Variants in PITX3 observed in about 807,000 individuals in gnomAD.
PITX3 encodes the protein paired like homeodomain 3.
PITX3 carries 4 observed loss-of-function variants against 14.2 expected under a neutral mutation model. That is an observed-to-expected ratio of 0.28 (90% confidence interval 0.14 to 0.65). The LOEUF is 0.65. Ranked by LOEUF, PITX3 falls within the 30% of genes least tolerant of loss-of-function variation. The pLI, the probability that PITX3 is intolerant of heterozygous loss-of-function variation, is 0.82. For synonymous variants in PITX3, 194 were observed against 204.5 expected (o/e 0.95, Z 0.44); for missense variants, 358 against 426.8 (o/e 0.84, Z 1.42).
At chr10:102,233,303 TC>T (rs2070303113) in intron 1 of PITX3, among the ~76,000 whole-genome samples, 1 of 91,178 alleles carries the variant, frequency 1.1e-5, no homozygotes. Flanking sequence ...TTTTTTTCCT[TC>T]TTTTTTTTTT....
chr10:102,234,127 C>T (rs1444509198), intron 1 of PITX3, among the ~76,000 whole-genome samples: 2 of 152,162 alleles, frequency 1.3e-5, no homozygotes, highest in Non-Finnish European at 2.9e-5. Flanking sequence ...GGTGGATTAG[C>T]CTAGATTGAG....
chr10:102,237,112 G>A (rs892306180), intron 1 of PITX3, among the ~76,000 whole-genome samples: 1 of 152,164 alleles, frequency 6.6e-6, no homozygotes, highest in Middle Eastern at 3.2e-3. Flanking sequence ...AGTATTAGGT[G>A]TTAAGAGGGA....
At chr10:102,237,277 T>C (rs1434023883) in intron 1 of PITX3, among the ~76,000 whole-genome samples, 2 of 152,014 alleles carry the variant, frequency 1.3e-5, no homozygotes, top group African/African-American at 4.8e-5. Flanking sequence ...GTACCGAGTG[T>C]TGGGAGCTCA....
At chr10:102,236,001 G>A (rs2070383582) in intron 1 of PITX3, among the ~76,000 whole-genome samples, 1 of 152,216 alleles carries the variant, frequency 6.6e-6, no homozygotes, top group African/African-American at 2.4e-5. Context: ...AGAGAGAGGA[G>A]CCACAGCTGA....
In PITX3 at chr10:102,230,903, A is replaced by C; in HGVS notation, c.520T>G (p.Phe174Val). The change falls in exon 4 of 4, where the codon TTC (phenylalanine) becomes GTC (valine). Residue 174 changes from phenylalanine (F) to valine (V), a missense_variant. Physicochemically the swap from Phe to Val is conservative, Grantham distance 50. This residue lies in a region of PITX3 where 236 missense variants were observed against 250.2 expected (regional missense o/e 0.94). Transcript: ENST00000370002. Reference protein sequence around the residue: ...PLAAKTFPFAFNSVNVGPLAS... With the variant: ...PLAAKTFPFAVNSVNVGPLAS... ...AGAGGCCCCACGTTGACCGAGTTGAAGGCGAATGGAAAGGTCTTGGCGGCG... is the reference window on the plus strand; with the variant it reads ...AGAGGCCCCACGTTGACCGAGTTGACGGCGAATGGAAAGGTCTTGGCGGCG... 1.2e-6 allele frequency: 2 copies of C among 1,611,688 alleles called. No homozygotes were observed. The highest frequency in any genetic ancestry group is 1.7e-6 in the Non-Finnish European group (2 of 1,179,304).
At chr10:102,240,748 C>T (rs1474461629) in intron 1 of PITX3, among the ~76,000 whole-genome samples, 1 of 152,268 alleles carries the variant, frequency 6.6e-6, no homozygotes, top group Non-Finnish European at 1.5e-5. Context: ...ACTATACCCG[C>T]CGCCTGGTCA....
At chr10:102,233,960 C>T (rs2070321207) in intron 1 of PITX3, among the ~76,000 whole-genome samples, 1 of 152,162 alleles carries the variant, frequency 6.6e-6, no homozygotes, top group Non-Finnish European at 1.5e-5. Flanking sequence ...AATACTGGGG[C>T]TCAAGACTCT....
At chr10:102,238,034 G>C (rs1300012256) in intron 1 of PITX3, among the ~76,000 whole-genome samples, 1 of 152,158 alleles carries the variant, frequency 6.6e-6, no homozygotes, top group Non-Finnish European at 1.5e-5. Context: ...TAGGAAAGGA[G>C]AAACTATTAA....
chr10:102,239,392 C>T (rs1285617951), intron 1 of PITX3, among the ~76,000 whole-genome samples: 1 of 152,208 alleles, frequency 6.6e-6, no homozygotes, highest in African/African-American at 2.4e-5. Context: ...CCTTTCCTGA[C>T]ACAGAGTCCT....
chr10:102,230,272 T>C lies in PITX3; in HGVS notation c.*242A>G. The C allele has an allele frequency of 2.0e-6, 1 of 501,250 alleles. No individual in the cohort carries two copies. The highest frequency in any genetic ancestry group is 3.5e-6 in the Non-Finnish European group (1 of 286,978). The allele number at this position is 501,250 out of a possible 1,614,324, so 31.1% of individuals were successfully genotyped here. On this transcript the variant is annotated 3_prime_UTR_variant, in exon 4 of 4. Coordinates refer to ENST00000370002, the MANE Select transcript of PITX3 (RefSeq NM_005029.4). ...GAAGGCGGGATGGGCCAAGGGTGAGTTGGCCCCCGGGGAGCTGGTCCCTGT... is the reference window on the plus strand; with the variant it reads ...GAAGGCGGGATGGGCCAAGGGTGAGCTGGCCCCCGGGGAGCTGGTCCCTGT...
At chr10:102,238,110 A>T (rs577010392) in intron 1 of PITX3, among the ~76,000 whole-genome samples, 2 of 152,064 alleles carry the variant, frequency 1.3e-5, no homozygotes, top group Non-Finnish European at 2.9e-5. Flanking sequence ...TTTGAAAGTT[A>T]TTCCTCTCTG....
At chr10:102,235,118 G>A (rs1281609214) in intron 1 of PITX3, among the ~76,000 whole-genome samples, 1 of 151,684 alleles carries the variant, frequency 6.6e-6, no homozygotes, top group African/African-American at 2.4e-5. Context: ...TCCTCTCTGT[G>A]ACAGGGACAG....
chr10:102,240,368 C>T (rs530689457), intron 1 of PITX3, among the ~76,000 whole-genome samples: 270 of 152,370 alleles, frequency 1.8e-3, no homozygotes, highest in Non-Finnish European at 3.3e-3. Flanking sequence ...TTGAAGGGGG[C>T]ATGTGTCCCA....
Position 102,232,028 on chromosome 10 carries a change from A to T in PITX3, c.53T>A (p.Leu18Gln). Residue 18 changes from leucine to glutamine, a missense_variant, in exon 2 of 4, where the codon CTG becomes CAG. Coordinates refer to ENST00000370002, the MANE Select transcript of PITX3 (RefSeq NM_005029.4). ...GGGGTGCGGAGTGCCAGCGTCTGAC[A>T]GCGACAGGGCAGGGCTCCGGGCCTC... ...EAEARSPALS[L>Q]SDAGTPHPQL... is the part of the protein sequence containing the mutation. 1 of 1,608,432 alleles carries T rather than the reference A, an allele frequency of 6.2e-7. No homozygotes were observed. Among genetic ancestry groups the T allele is most frequent in the South Asian group, 1.1e-5 (1 of 90,726 alleles).
chr10:102,237,588 GA>G (rs545913690), intron 1 of PITX3, among the ~76,000 whole-genome samples: 4 of 151,914 alleles, frequency 2.6e-5, no homozygotes, highest in South Asian at 4.2e-4. Context: ...CCTGAATAAA[GA>G]AAAAAACCCT....
chr10:102,230,643 A>G lies in PITX3; in HGVS notation c.780T>C (p.Cys260=). 2 of 1,604,174 alleles carry G rather than the reference A, an allele frequency of 1.2e-6. No homozygotes were observed. The highest frequency in any genetic ancestry group is 1.7e-6 in the Non-Finnish European group (2 of 1,175,924). The change falls in exon 4 of 4, where the codon TGT becomes TGC. Residue 260 remains cysteine, a synonymous_variant. Transcript: ENST00000370002. ...ASSPYVYRDP[C]NSSLASLRLK... ...GCCGCAGGCTGGCCAGGCTCGAGTTACACGGGTCCCGATAGACGTAGGGGG... is the reference window on the plus strand; with the variant it reads ...GCCGCAGGCTGGCCAGGCTCGAGTTGCACGGGTCCCGATAGACGTAGGGGG...
Position 102,230,788 on chromosome 10 carries a change from G to C in PITX3, c.635C>G (p.Pro212Arg). The C allele has an allele frequency of 6.5e-7, 1 of 1,546,292 alleles. No individual in the cohort carries two copies. The highest frequency in any genetic ancestry group is 8.7e-7 in the Non-Finnish European group (1 of 1,145,370). ...CCCGCCCAGGCCCTGCAGGGCCCCA[G>C]GCCCTGGCACGGTGCCCGGGGCAGC... ...AAAAPGTVPGPGALQGLGGGP... is the reference protein window; with the variant it reads ...AAAAPGTVPGRGALQGLGGGP... Residue 212 changes from proline (P) to arginine (R), a missense_variant, in exon 4 of 4, where the codon CCT becomes CGT. Around this residue, in one of 3 missense-constraint regions of PITX3, gnomAD observed 236 missense variants for 250.2 expected, o/e 0.94. Transcript: ENST00000370002.
chr10:102,240,556 T>C lies in PITX3; in HGVS notation c.-13+777A>G, dbSNP rs575999392. Reference sequence around the variant, plus strand: ...GCAGGCGCTGCTGGGTAGACGGACATGCCACCCAGCCAGGGACATTCTGTC... The same window carrying C: ...GCAGGCGCTGCTGGGTAGACGGACACGCCACCCAGCCAGGGACATTCTGTC... On this transcript the variant is annotated intron_variant, in intron 1 of 3. Coordinates refer to ENST00000370002, the MANE Select transcript of PITX3 (RefSeq NM_005029.4). 3.8e-4 allele frequency among the ~76,000 whole-genome samples: 58 copies of C among 152,338 alleles called. 1 individual carries two copies. The East Asian group carries it at 0.011, about 28-fold the overall frequency.
At chr10:102,240,127 G>A (rs1406068065) in intron 1 of PITX3, among the ~76,000 whole-genome samples, 2 of 152,222 alleles carry the variant, frequency 1.3e-5, no homozygotes, top group East Asian at 1.9e-4. Context: ...GCCATTGGTC[G>A]CCTGATACTC....
Sources: allele counts gnomAD v4.1 joint callset (sites outside exome capture counted in the v4.1 genomes callset), GRCh38; gene constraint gnomAD v4.1.1; regional missense constraint gnomAD v4.1.1; transcripts MANE v1.5; gene names NCBI Gene and HGNC (gene_info 2026-07-23, HGNC 2026-07-21).